POLR1A: variants seen among roughly 807,000 people sequenced by gnomAD.
POLR1A encodes RNA polymerase I subunit A.
POLR1A carries 84 observed loss-of-function variants against 205.3 expected under a neutral mutation model. That is an observed-to-expected ratio of 0.41 (90% CI 0.34 to 0.49). The LOEUF (loss-of-function observed/expected upper bound fraction) is 0.49. Among genes scored for constraint, POLR1A ranks in the 20% least tolerant of loss-of-function variants. The probability of loss-of-function intolerance (pLI) is 0.22; values close to 1 mark genes in which losing one functional copy is unlikely to be tolerated. For synonymous variants in POLR1A, 799 were observed against 863.7 expected, an observed-to-expected ratio of 0.93 and a Z score of 1.31; for missense variants, 1,645 against 2,204.5, an observed-to-expected ratio of 0.75 and a Z score of 5.08.
At chr2:86,093,691 G>C (rs918461848) in intron 3 of POLR1A, among the ~76,000 whole-genome samples, 17 of 152,156 alleles carry the variant, frequency 1.1e-4, no homozygotes, top group African/African-American at 3.9e-4. Context: ...TTAGCCGGGT[G>C]TGGTGGTGCA....
intron 29 of POLR1A, 23 bp from the exon 30 acceptor site, chr2:86,031,658 C>G: frequency 6.3e-7 from 1 of 1,593,458 alleles, no homozygotes; most frequent in African/African-American, 1.3e-5. Flanking sequence ...GGAGCACAGG[C>G]TGTGTCACTT....
intron 6 of POLR1A, among the ~76,000 whole-genome samples, chr2:86,083,374 T>TAAA (rs150660361): frequency 0.028 from 3,522 of 127,606 alleles, 126 homozygotes; most frequent in African/African-American, 0.091. Context: ...GTATAAAACC[T>TAAA]AAAAAAAAAA....
chr2:86,083,123 G>A lies in POLR1A; in HGVS notation c.776C>T (p.Thr259Ile). ...GGCAGAAAGGTGTTCGCGGGCACTG[G>A]TGGGTGTTAAGTATCCTCGTTTTCC... The part of the protein sequence containing the change: ...QIGKRGYLTP[T>I]SAREHLSALW... Residue 259 changes from threonine (T) to isoleucine (I), a missense_variant, in exon 7 of 34, where the codon ACC becomes ATC. Thr to Ile is a moderately conservative substitution (Grantham distance 89). Transcript: ENST00000263857. The A allele has an allele frequency of 1.2e-6, 2 of 1,614,124 alleles. No individual in the cohort carries two copies. Among genetic ancestry groups the A allele is most frequent in the Non-Finnish European group, 1.7e-6 (2 of 1,179,956 alleles).
chr2:86,045,469 C>T, intron 20 of POLR1A, 109 bp from the exon 21 acceptor site: 1 of 1,246,528 alleles, frequency 8.0e-7, no homozygotes, highest in Non-Finnish European at 1.2e-6. Context: ...CAGGCCACTC[C>T]CTTCCCTGAT....
intron 27 of POLR1A, among the ~76,000 whole-genome samples, chr2:86,036,483 C>T (rs966506235): frequency 1.4e-5 from 2 of 146,540 alleles, no homozygotes; most frequent in African/African-American, 5.1e-5. Flanking sequence ...AGGGTGGGGG[C>T]AAAGAGAAAG....
rs2278531 is a variant in POLR1A at position 86,044,068 on chromosome 2, A to G, written c.3135+71T>C. 2.8e-4 allele frequency: 424 copies of G among 1,501,040 alleles called. 6 individuals carry two copies. The East Asian group carries it at 9.5e-3, about 34-fold the overall frequency. The allele number at this position is 1,501,040 out of a possible 1,614,324, so 93.0% of individuals were successfully genotyped here. A position where few individuals can be genotyped will look rare whatever the true frequency, so the allele number is the denominator to read the frequency against. ...TGGACTGGGTTGCAAAGCTCAGCGC[A>G]TTCCAGTTCTCTAACCTCGGTGGGG... On this transcript the variant is annotated intron_variant, in intron 22 of 33. Coordinates refer to ENST00000263857, the MANE Select transcript of POLR1A (RefSeq NM_015425.6).
chr2:86,028,172 T>G lies in POLR1A; in HGVS notation c.4898-123A>C. ...GGGAGTTAGACTCTGGGGCTCCCCT[T>G]CAGCTCCGCCACCTGCTCACGCTAC... On this transcript the variant is annotated intron_variant, in intron 32 of 33. Coordinates refer to ENST00000263857, the MANE Select transcript of POLR1A (RefSeq NM_015425.6). This position sits in a 1 kb window ranked among gnomAD's most constrained non-coding sequence, Gnocchi z 4.5. 1 of 891,912 alleles carries G rather than the reference T, an allele frequency of 1.1e-6. No individual in the cohort carries two copies. The highest frequency in any genetic ancestry group is 1.5e-5 in the South Asian group (1 of 66,468). 55.2% of individuals were successfully genotyped at this position (891,912 alleles called of 1,614,324 possible).
In POLR1A at chr2:86,075,275, T is replaced by C. The variant is rs1415629115; in HGVS notation, c.1381-15A>G. On this transcript the variant is annotated splice_polypyrimidine_tract_variant and intron_variant, in intron 11 of 33. Coordinates refer to ENST00000263857, the MANE Select transcript of POLR1A (RefSeq NM_015425.6). ...GTGGCAAACACCTGGAAATGAGGAA[T>C]GGAGGTAGAAATTCAGGGCAGGGAT... The C allele has an allele frequency of 6.4e-7, 1 of 1,563,022 alleles. No individual in the cohort carries two copies. Among genetic ancestry groups the C allele is most frequent in the Non-Finnish European group, 8.8e-7 (1 of 1,141,504 alleles).
intron 11 of POLR1A, 53 bp from the exon 12 acceptor site, chr2:86,075,313 G>A (rs1673261705): frequency 7.9e-7 from 1 of 1,266,064 alleles, no homozygotes; most frequent in Admixed American, 2.0e-5. Flanking sequence ...AAAAAGGTCT[G>A]ATGGACCCCA....
At chr2:86,056,810 C>T (rs1012320864) in intron 14 of POLR1A, among the ~76,000 whole-genome samples, 1 of 152,122 alleles carries the variant, frequency 6.6e-6, no homozygotes, top group Non-Finnish European at 1.5e-5. Flanking sequence ...GCATGTTTTG[C>T]TGACTATTTC....
Position 86,085,370 on chromosome 2 carries a change from G to T in POLR1A, c.731-2202C>A, listed in dbSNP as rs576652737. On this transcript the variant is annotated intron_variant, in intron 6 of 33. Transcript: ENST00000263857. ...AAGGAGTCTGCATGTTTAAAGTTTT[G>T]ATGTCGATAAAAGCAGAATATTTCA... Among the ~76,000 whole-genome samples, 3 of 152,334 alleles carry T rather than the reference G, an allele frequency of 2.0e-5. No individual in the cohort carries two copies. In the South Asian group the frequency reaches 6.2e-4, roughly 32 times the overall value.
intron 16 of POLR1A, among the ~76,000 whole-genome samples, chr2:86,050,086 TTTTGTATTTTTAG>T (rs1322351275): frequency 3.3e-5 from 5 of 151,872 alleles, no homozygotes; most frequent in Non-Finnish European, 5.9e-5. Context: ...CCCAGCTAAT[TTTTGTATTTTTAG>T]TACAGACAGG....
chr2:86,031,712 C>G (rs761448420), intron 29 of POLR1A, 77 bp from the exon 30 acceptor site: 3 of 1,544,532 alleles, frequency 1.9e-6, no homozygotes, highest in Non-Finnish European at 2.6e-6. Flanking sequence ...GAACAAAGAC[C>G]CCTGCAAAGC....
chr2:86,048,122 C>T (rs546081994), intron 18 of POLR1A, among the ~76,000 whole-genome samples: 129 of 152,322 alleles, frequency 8.5e-4, no homozygotes, highest in Non-Finnish European at 1.5e-3. Flanking sequence ...GGCAAGAGAG[C>T]ACTACAGACG....
chr2:86,040,595 T>C (rs1354251982), intron 24 of POLR1A, 36 bp from the exon 25 acceptor site: 16 of 1,470,794 alleles, frequency 1.1e-5, no homozygotes, highest in Admixed American at 2.1e-5. Flanking sequence ...GTGGGGGTTG[T>C]GGCAGGGGTC....
In POLR1A at chr2:86,028,838, G is replaced by A. The variant is rs951838354; in HGVS notation, c.4780-127C>T. The stretch of plus-strand genomic sequence containing the variant: ...AGCTCGGTACAGCTGATGACAAAGT[G>A]GTCAAGAGGTGGCCCAGGATTAGCA... On this transcript the variant is annotated intron_variant, in intron 31 of 33. Coordinates refer to ENST00000263857, the MANE Select transcript of POLR1A (RefSeq NM_015425.6). This position sits in a 1 kb window ranked among gnomAD's most constrained non-coding sequence, Gnocchi z 4.5. The A allele has an allele frequency of 8.9e-6, 6 of 677,172 alleles. No individual in the cohort carries two copies. The highest frequency in any genetic ancestry group is 7.1e-5 in the African/African-American group (4 of 56,180). 41.9% of individuals were successfully genotyped at this position (677,172 alleles called of 1,614,324 possible).
intron 15 of POLR1A, 113 bp from the exon 16 acceptor site, chr2:86,053,113 G>C: frequency 1.7e-6 from 1 of 578,080 alleles, no homozygotes. Context: ...ACTGTGACCC[G>C]CCTAGAATCC....
rs771242659 is a variant in POLR1A, at chr2:86,030,377, A to G, written c.4598T>C (p.Leu1533Pro). The G allele has an allele frequency of 6.2e-7, 1 of 1,613,876 alleles. No homozygotes were observed. The highest frequency in any genetic ancestry group is 8.5e-7 in the Non-Finnish European group (1 of 1,179,824). ...LWCQVTVKLP[L>P]MKINFDMSSL... is the part of the protein sequence containing the mutation. ...GCTCATGTCAAAGTTGATCTTCATC[A>G]GAGGGAGCTTCACTGTCACCTGCAA... Residue 1533 changes from leucine (L) to proline (P), a missense_variant, in exon 31 of 34, where the codon CTG becomes CCG. Around this residue, in one of 16 missense-constraint regions of POLR1A, gnomAD observed 394 missense variants for 468.5 expected, o/e 0.84. Coordinates refer to ENST00000263857, the MANE Select transcript of POLR1A (RefSeq NM_015425.6).
intron 33 of POLR1A, 133 bp from the exon 34 acceptor site, chr2:86,027,656 G>C: frequency 1.2e-6 from 1 of 866,040 alleles, no homozygotes; most frequent in Non-Finnish European, 1.9e-6. Flanking sequence ...ATGGGATCAC[G>C]AGGCAGCCCC....
Sources: allele counts gnomAD v4.1 joint callset (sites outside exome capture counted in the v4.1 genomes callset), GRCh38; gene constraint gnomAD v4.1.1; regional missense constraint gnomAD v4.1.1; non-coding constraint Gnocchi (gnomAD v3.1); transcripts MANE v1.5; gene names NCBI Gene and HGNC (gene_info 2026-07-23, HGNC 2026-07-21).